The following NRXN1 variants were observed in gnomAD, a reference collection of about 807,000 sequenced individuals.
NRXN1 encodes the protein neurexin-1.
NRXN1 carries 39 observed loss-of-function variants against 150.9 expected under a neutral mutation model. The observed-to-expected ratio is 0.26, with a 90% confidence interval of 0.20 to 0.34. The LOEUF (loss-of-function observed/expected upper bound fraction) is 0.34, where lower values mean the gene tolerates loss of function less well. Among genes scored for constraint, NRXN1 ranks in the 10% least tolerant of loss-of-function variants. NRXN1 has a pLI of 1.00. For missense variants in NRXN1, 1,815 were observed against 1,949.9 expected (o/e 0.93, Z 1.30); for synonymous variants, 924 against 757.0 (o/e 1.22, Z -3.62).
chr2:50,577,025 T>C (rs1671538288), intron 8 of NRXN1, among the ~76,000 whole-genome samples: 1 of 152,106 alleles, frequency 6.6e-6, no homozygotes, highest in South Asian at 2.1e-4. Flanking sequence ...AAAACTTGTA[T>C]CTATATTCCC....
chr2:50,233,330 T>C (rs2065133575), intron 18 of NRXN1, among the ~76,000 whole-genome samples: 1 of 151,988 alleles, frequency 6.6e-6, no homozygotes, highest in African/African-American at 2.4e-5. Flanking sequence ...CTATCAAAAC[T>C]GGGCCACCTG....
At position 50,531,378 on chromosome 2, in the gene NRXN1, G is replaced by C; in HGVS notation, c.2196C>G (p.Pro732=). Residue 732 remains proline, a synonymous_variant, in exon 11 of 23, where the codon CCC becomes CCG. Coordinates refer to ENST00000401669, the MANE Select transcript of NRXN1 (RefSeq NM_001330078.2). ...DGSMFMKIQL[P]VVMHTEAEDV... ...CCTCAGCCTCCGTATGCATGACTAC[G>C]GGGAGCTGAATTTTCATAAACATGC... 1 of 1,612,668 alleles carries C rather than the reference G, an allele frequency of 6.2e-7. No homozygotes were observed. The highest frequency in any genetic ancestry group is 8.5e-7 in the Non-Finnish European group (1 of 1,179,404).
At chr2:50,361,104 A>G (rs1228417808) in intron 17 of NRXN1, among the ~76,000 whole-genome samples, 4 of 152,240 alleles carry the variant, frequency 2.6e-5, no homozygotes, top group Non-Finnish European at 5.9e-5. Flanking sequence ...TCTAGGACAC[A>G]GCTAAAGCAG....
intron 17 of NRXN1, among the ~76,000 whole-genome samples, chr2:50,375,446 C>T (rs2080412407): frequency 6.7e-6 from 1 of 149,038 alleles, no homozygotes; most frequent in Admixed American, 6.7e-5. Context: ...CCAAAGATTA[C>T]ACGGCTAGCA....
intron 18 of NRXN1, among the ~76,000 whole-genome samples, chr2:50,156,558 T>C (rs973198934): frequency 6.6e-6 from 1 of 151,840 alleles, no homozygotes; most frequent in African/African-American, 2.4e-5. Flanking sequence ...AAAGCAATAA[T>C]GTAAGTTTAT....
intron 5 of NRXN1, among the ~76,000 whole-genome samples, chr2:50,819,693 T>A (rs948190481): frequency 5.3e-5 from 8 of 152,202 alleles, no homozygotes; most frequent in East Asian, 1.9e-4. Context: ...TGTTTTTTTT[T>A]AAATCTCAAT....
chr2:50,682,969 C>T (rs1323663784), intron 5 of NRXN1, among the ~76,000 whole-genome samples: 1 of 151,926 alleles, frequency 6.6e-6, no homozygotes, highest in African/African-American at 2.4e-5. Flanking sequence ...TAGGTCTATA[C>T]ACAAATATTC....
chr2:50,723,125 G>C (rs1028008082), intron 5 of NRXN1, among the ~76,000 whole-genome samples: 1 of 152,028 alleles, frequency 6.6e-6, no homozygotes, highest in African/African-American at 2.4e-5. Flanking sequence ...TATTCTCTCA[G>C]CCTTGGTGTA....
chr2:50,847,723 C>A (rs1673878166), intron 5 of NRXN1, among the ~76,000 whole-genome samples: 1 of 152,138 alleles, frequency 6.6e-6, no homozygotes, highest in Admixed American at 6.5e-5. Flanking sequence ...AGAGGATGTC[C>A]AGGGAGCACG....
At chr2:50,220,656 T>A (rs1178376403) in intron 18 of NRXN1, among the ~76,000 whole-genome samples, 1 of 151,996 alleles carries the variant, frequency 6.6e-6, no homozygotes, top group Non-Finnish European at 1.5e-5. Flanking sequence ...ATTTCAAATA[T>A]CCCATTATCA....
intron 2 of NRXN1, among the ~76,000 whole-genome samples, chr2:51,011,012 A>G (rs1426663730): frequency 6.6e-6 from 1 of 151,900 alleles, no homozygotes; most frequent in African/African-American, 2.4e-5. Context: ...GGCCTCAAAC[A>G]ATTCTCTCAC....
intron 8 of NRXN1, among the ~76,000 whole-genome samples, chr2:50,608,905 TTAAC>T (rs1677573846): frequency 6.6e-6 from 1 of 152,128 alleles, no homozygotes; most frequent in South Asian, 2.1e-4. Context: ...ACTATAAAAA[TTAAC>T]TGACTATTCC....
At chr2:50,637,764 A>T (rs997055702) in intron 5 of NRXN1, among the ~76,000 whole-genome samples, 2 of 152,122 alleles carry the variant, frequency 1.3e-5, no homozygotes, top group Non-Finnish European at 2.9e-5. Flanking sequence ...AATAGGGATG[A>T]GGGGACAAGA....
chr2:50,260,508 A>G (rs1167885893), intron 17 of NRXN1, among the ~76,000 whole-genome samples: 3 of 151,720 alleles, frequency 2.0e-5, no homozygotes, highest in Non-Finnish European at 4.4e-5. Context: ...GAATACAACC[A>G]CACTCCTCAG....
At chr2:50,511,553 T>C (rs554858479) in intron 12 of NRXN1, among the ~76,000 whole-genome samples, 12 of 152,294 alleles carry the variant, frequency 7.9e-5, no homozygotes, top group African/African-American at 2.6e-4. Flanking sequence ...ACCCTGTAGC[T>C]AAAACCTATT....
At chr2:50,360,919 G>A (rs2079144682) in intron 17 of NRXN1, among the ~76,000 whole-genome samples, 1 of 152,118 alleles carries the variant, frequency 6.6e-6, no homozygotes, top group African/African-American at 2.4e-5. Context: ...CAGTCTCTCA[G>A]ACCACCGTAC....
chr2:50,485,753 T>G (rs1218966126), intron 15 of NRXN1, among the ~76,000 whole-genome samples: 4 of 152,182 alleles, frequency 2.6e-5, no homozygotes. Flanking sequence ...GGATTAAGGT[T>G]GGAAGTTCTA....
At chr2:50,678,704 A>G (rs914077358) in intron 5 of NRXN1, among the ~76,000 whole-genome samples, 1 of 152,100 alleles carries the variant, frequency 6.6e-6, no homozygotes, top group Non-Finnish European at 1.5e-5. Context: ...TTGCTAGTGC[A>G]GATAATATTC....
intron 22 of NRXN1, among the ~76,000 whole-genome samples, chr2:49,934,807 T>G (rs1670738415): frequency 6.6e-6 from 1 of 152,054 alleles, no homozygotes; most frequent in African/African-American, 2.4e-5. Flanking sequence ...CTCTTTTTGT[T>G]TAGTATAAAA....
Sources: gnomAD v4.1 joint callset for allele counts (sites outside exome capture counted in the v4.1 genomes callset) on GRCh38, gnomAD v4.1.1 for gene constraint, MANE v1.5 for transcripts, NCBI Gene and HGNC (gene_info 2026-07-23, HGNC 2026-07-21) for gene names.